Variants in ACVR2B observed in about 807,000 individuals in gnomAD.
ACVR2B encodes activin receptor type-2B.
In ACVR2B, 18 loss-of-function variants were observed where a neutral mutation model predicts 65.1. That is an observed-to-expected ratio of 0.28 (90% CI 0.19 to 0.41). The LOEUF is 0.41. Among genes scored for constraint, ACVR2B ranks in the 10% least tolerant of loss-of-function variants. ACVR2B has a pLI of 1.00. For missense variants in ACVR2B, 482 were observed against 682.7 expected (o/e 0.71, Z 3.28); for synonymous variants, 298 against 277.7 (o/e 1.07, Z -0.73).
chr3:38,456,322 A>G (rs1709550137), intron 1 of ACVR2B, among the ~76,000 whole-genome samples: 2 of 152,222 alleles, frequency 1.3e-5, no homozygotes, highest in African/African-American at 4.8e-5. Context: ...CTTTGGCTTC[A>G]GGGATGCCCT....
chr3:38,476,919 GC>G, intron 1 of ACVR2B: 1 of 368,228 alleles, frequency 2.7e-6, no homozygotes, highest in South Asian at 3.2e-5. Context: ...CAGGGAAGTA[GC>G]CCCCACCCCC....
At chr3:38,482,637 A>G in intron 10 of ACVR2B, 77 bp downstream of exon 10, 2 of 1,565,712 alleles carry the variant, frequency 1.3e-6, no homozygotes, top group Non-Finnish European at 1.7e-6. Flanking sequence ...GTAAGCTGAA[A>G]TCAAGGGGGA....
chr3:38,478,664 A>G, intron 5 of ACVR2B, 146 bp downstream of exon 5: 1 of 1,157,402 alleles, frequency 8.6e-7, no homozygotes, highest in South Asian at 1.4e-5. Flanking sequence ...TACTCATGTT[A>G]CACTTGGCTG....
chr3:38,482,686 A>G, intron 10 of ACVR2B, 126 bp downstream of exon 10: 1 of 1,388,244 alleles, frequency 7.2e-7, no homozygotes, highest in South Asian at 1.3e-5. Context: ...CCTGGACTCT[A>G]GGGATGTGTT....
rs986326457 is a variant in ACVR2B, at chr3:38,487,991, A to C, written c.*4659A>C. On this transcript the variant is annotated 3_prime_UTR_variant, in exon 11 of 11. Coordinates refer to ENST00000352511, the MANE Select transcript of ACVR2B (RefSeq NM_001106.4). ...AGGGGCATCAGACCATACCTTTTTAAGAAGCTCCGTGAATCTAGTCATCTA... is the reference window on the plus strand; with the variant it reads ...AGGGGCATCAGACCATACCTTTTTACGAAGCTCCGTGAATCTAGTCATCTA... 8 of 152,188 alleles carry C rather than the reference A, an allele frequency of 5.3e-5. No individual in the cohort carries two copies. The highest frequency in any genetic ancestry group is 1.9e-4 in the African/African-American group (8 of 41,438). 9.4% of individuals were successfully genotyped at this position (152,188 alleles called of 1,614,324 possible).
At chr3:38,467,374 C>T (rs1289411287) in intron 1 of ACVR2B, among the ~76,000 whole-genome samples, 6 of 150,868 alleles carry the variant, frequency 4.0e-5, no homozygotes, top group Non-Finnish European at 5.9e-5. Context: ...ACATGGGAGG[C>T]GGAAGTTTCG....
chr3:38,470,457 C>G (rs904462891), intron 1 of ACVR2B, among the ~76,000 whole-genome samples: 4 of 152,172 alleles, frequency 2.6e-5, no homozygotes, highest in Non-Finnish European at 5.9e-5. Context: ...TTATGTTCAT[C>G]TAAATTGCCA....
chr3:38,467,375 G>A (rs1381897399), intron 1 of ACVR2B, among the ~76,000 whole-genome samples: 17 of 151,984 alleles, frequency 1.1e-4, no homozygotes, highest in African/African-American at 9.7e-5. Context: ...CATGGGAGGC[G>A]GAAGTTTCGG....
rs367904633 is a variant in ACVR2B at position 38,467,315 on chromosome 3, C to T, written c.53-9972C>T. Among the ~76,000 whole-genome samples, 18 of 152,192 alleles carry T rather than the reference C, an allele frequency of 1.2e-4. No homozygotes were observed. In the South Asian group the frequency reaches 2.3e-3, roughly 19 times the overall value. On this transcript the variant is annotated intron_variant, in intron 1 of 10. Coordinates refer to ENST00000352511, the MANE Select transcript of ACVR2B (RefSeq NM_001106.4). ...ATACAAAATTAGCTAGGCATGGTGGCGCATGCCTGTAATCCCAGGAGGGAG... is the reference window on the plus strand; with the variant it reads ...ATACAAAATTAGCTAGGCATGGTGGTGCATGCCTGTAATCCCAGGAGGGAG...
intron 1 of ACVR2B, chr3:38,476,993 T>C (rs577120760): frequency 3.6e-5 from 19 of 526,106 alleles, no homozygotes; most frequent in African/African-American, 3.6e-4. Context: ...TCTGGCTGTT[T>C]ATCCATCCTT....
chr3:38,469,724 C>G (rs879434984), intron 1 of ACVR2B, among the ~76,000 whole-genome samples: 6 of 152,146 alleles, frequency 3.9e-5, no homozygotes, highest in Admixed American at 3.9e-4. Context: ...TCAAAGTAGT[C>G]CAACAGAAAA....
intron 1 of ACVR2B, among the ~76,000 whole-genome samples, chr3:38,470,903 G>T (rs190733222): frequency 2.0e-5 from 3 of 152,002 alleles, no homozygotes; most frequent in East Asian, 1.9e-4. Context: ...TAGAGGTAAC[G>T]GTAGAAAAGA....
In ACVR2B at chr3:38,490,478, A is replaced by G. The variant is rs1710192343; in HGVS notation, c.*7146A>G. The G allele has an allele frequency of 6.6e-6, 1 of 152,560 alleles. No individual in the cohort carries two copies. Among genetic ancestry groups the G allele is most frequent in the African/African-American group, 2.4e-5 (1 of 41,408 alleles). The allele number at this position is 152,560 out of a possible 1,614,324, so 9.5% of individuals were successfully genotyped here. On this transcript the variant is annotated 3_prime_UTR_variant, in exon 11 of 11. Transcript: ENST00000352511. Reference sequence around the variant, plus strand: ...CAGAAACCAACCCCATCTGTTCCCCATAAAAAGAACATTTTCTCTGCTCTC... The same window carrying G: ...CAGAAACCAACCCCATCTGTTCCCCGTAAAAAGAACATTTTCTCTGCTCTC...
intron 1 of ACVR2B, 174 bp downstream of exon 1, chr3:38,454,548 A>C (rs1320177394): frequency 4.2e-6 from 2 of 471,770 alleles, no homozygotes; most frequent in African/African-American, 2.0e-5. Flanking sequence ...CGGCTCGCCG[A>C]ACTTGGGGGC....
intron 1 of ACVR2B, among the ~76,000 whole-genome samples, chr3:38,471,034 A>G (rs895964183): frequency 9.2e-5 from 14 of 152,192 alleles, no homozygotes; most frequent in African/African-American, 3.4e-4. Context: ...GGAAGAGAGA[A>G]AGATTTTTTG....
At chr3:38,467,735 G>A (rs528365321) in intron 1 of ACVR2B, among the ~76,000 whole-genome samples, 1 of 138,444 alleles carries the variant, frequency 7.2e-6, no homozygotes, top group Non-Finnish European at 1.6e-5. Context: ...CTAGGTCACA[G>A]AGCAAGACCC....
chr3:38,463,015 C>T (rs1709673969), intron 1 of ACVR2B, among the ~76,000 whole-genome samples: 1 of 152,090 alleles, frequency 6.6e-6, no homozygotes, highest in African/African-American at 2.4e-5. Flanking sequence ...TTAGAAATAG[C>T]CTGGTTTCAT....
At position 38,484,285 on chromosome 3, in the gene ACVR2B, C is replaced by T. The variant is rs1710075941; in HGVS notation, c.*953C>T. 2 of 152,258 alleles carry T rather than the reference C, an allele frequency of 1.3e-5. No homozygotes were observed. Among genetic ancestry groups the T allele is most frequent in the Admixed American group, 1.3e-4 (2 of 15,292 alleles). 9.4% of individuals were successfully genotyped at this position (152,258 alleles called of 1,614,324 possible). On this transcript the variant is annotated 3_prime_UTR_variant, in exon 11 of 11. Coordinates refer to ENST00000352511, the MANE Select transcript of ACVR2B (RefSeq NM_001106.4). ...CATCACAGGTTAGGAATACATTCTT[C>T]ATAAGACACGATGCTGTAAATACCC...
chr3:38,478,565 C>T, intron 5 of ACVR2B, 47 bp downstream of exon 5: 1 of 1,613,024 alleles, frequency 6.2e-7, no homozygotes, highest in Non-Finnish European at 8.5e-7. Context: ...TCCACTGTAG[C>T]TTGAACTGGA....
Sources: allele counts gnomAD v4.1 joint callset (sites outside exome capture counted in the v4.1 genomes callset), GRCh38; gene constraint gnomAD v4.1.1; transcripts MANE v1.5; gene names NCBI Gene and HGNC (gene_info 2026-07-23, HGNC 2026-07-21).